Variants in MAP2K4 observed in about 807,000 individuals in gnomAD.
MAP2K4 encodes the protein mitogen-activated protein kinase kinase 4.
Under a neutral mutation model 48.5 loss-of-function variants are expected in MAP2K4, and 4 were observed. The ratio of observed to expected loss-of-function variants is 0.08; its 90% CI spans 0.04 to 0.19. MAP2K4 has a LOEUF of 0.19. Ranked by LOEUF, MAP2K4 falls within the 10% of genes least tolerant of loss-of-function variation. The probability of loss-of-function intolerance (pLI) is 1.00; values close to 1 mark genes in which losing one functional copy is unlikely to be tolerated. For synonymous variants in MAP2K4, 166 were observed against 173.1 expected (o/e 0.96, Z 0.32); for missense variants, 258 against 493.3 (o/e 0.52, Z 4.52).
At chr17:12,029,419 A>G (rs149725869) in intron 1 of MAP2K4, among the ~76,000 whole-genome samples, 1 of 152,194 alleles carries the variant, frequency 6.6e-6, no homozygotes, top group African/African-American at 2.4e-5. Flanking sequence ...AAAAGACTCA[A>G]ATTTACCCCT....
At chr17:12,064,746 A>G (rs1265929695) in intron 2 of MAP2K4, among the ~76,000 whole-genome samples, 1 of 152,218 alleles carries the variant, frequency 6.6e-6, no homozygotes, top group African/African-American at 2.4e-5. Context: ...ACTCTCAGAA[A>G]GATTTGTAAG....
At chr17:12,134,316 T>C (rs1031413575) in intron 9 of MAP2K4, among the ~76,000 whole-genome samples, 10 of 152,196 alleles carry the variant, frequency 6.6e-5, no homozygotes. Context: ...TAAACAAATA[T>C]TTCCTTTAAA....
intron 1 of MAP2K4, chr17:12,036,516 T>A (rs1969603995): frequency 6.6e-6 from 1 of 152,142 alleles, no homozygotes; most frequent in South Asian, 2.1e-4. Context: ...CTGAAAACAT[T>A]TTTTTCTCAC....
intron 1 of MAP2K4, among the ~76,000 whole-genome samples, chr17:12,042,583 G>T (rs1033371602): frequency 3.7e-4 from 56 of 152,238 alleles, no homozygotes; most frequent in African/African-American, 1.3e-3. Flanking sequence ...GAAAGCCGCA[G>T]TGAGATGTGA....
chr17:12,083,387 TC>T, intron 3 of MAP2K4, among the ~76,000 whole-genome samples: 1 of 152,358 alleles, frequency 6.6e-6, no homozygotes. Context: ...CTGTGACAGT[TC>T]CAGTTGGGAT....
At chr17:12,139,978 AT>A in intron 10 of MAP2K4, 94 bp downstream of exon 10, 1 of 681,166 alleles carries the variant, frequency 1.5e-6, no homozygotes, top group Non-Finnish European at 2.4e-6. Flanking sequence ...CCTCTCTGTC[AT>A]AAACAAACAT....
chr17:12,121,301 T>C (rs1385817646), intron 7 of MAP2K4, among the ~76,000 whole-genome samples: 1 of 152,112 alleles, frequency 6.6e-6, no homozygotes, highest in Non-Finnish European at 1.5e-5. Context: ...TATTCCAAAA[T>C]TTGAAAAAAT....
At chr17:12,067,823 A>C (rs1018221862) in intron 2 of MAP2K4, among the ~76,000 whole-genome samples, 12 of 152,234 alleles carry the variant, frequency 7.9e-5, no homozygotes, top group African/African-American at 2.4e-4. Context: ...CATGTTGAAA[A>C]AAGAGATGTG....
intron 3 of MAP2K4, among the ~76,000 whole-genome samples, chr17:12,090,474 G>A (rs1026733333): frequency 9.2e-5 from 14 of 152,144 alleles, no homozygotes; most frequent in African/African-American, 3.4e-4. Context: ...TAGGCACAAT[G>A]CTACTTGGTG....
intron 3 of MAP2K4, among the ~76,000 whole-genome samples, chr17:12,086,244 G>A (rs36039198): frequency 0.084 from 12,798 of 152,198 alleles, 663 homozygotes; most frequent in Non-Finnish European, 0.11. Flanking sequence ...CAGATCATGT[G>A]ACTTACTTAA....
chr17:12,135,371 A>G (rs1973172487), intron 9 of MAP2K4, among the ~76,000 whole-genome samples: 1 of 151,980 alleles, frequency 6.6e-6, no homozygotes, highest in East Asian at 1.9e-4. Context: ...GGCGCGAGCC[A>G]CTGCGCCTGG....
chr17:12,129,070 TGGCCC>T, intron 8 of MAP2K4, 64 bp from the exon 9 acceptor site: 1 of 1,497,434 alleles, frequency 6.7e-7, no homozygotes, highest in Non-Finnish European at 9.1e-7. Context: ...GATTTTTTTG[TGGCCC>T]TTCCAGTGGG....
chr17:12,069,159 A>G (rs1597434260), intron 2 of MAP2K4, among the ~76,000 whole-genome samples: 1 of 152,188 alleles, frequency 6.6e-6, no homozygotes, highest in African/African-American at 2.4e-5. Flanking sequence ...GAATGCTAGT[A>G]AAGCTACCTT....
intron 1 of MAP2K4, among the ~76,000 whole-genome samples, chr17:12,022,789 CA>C (rs768670150): frequency 1.8e-4 from 28 of 152,186 alleles, no homozygotes; most frequent in Non-Finnish European, 3.4e-4. Context: ...ATAAAGGTAA[CA>C]AGCTGGGTTT....
intron 4 of MAP2K4, among the ~76,000 whole-genome samples, chr17:12,106,395 T>C (rs1231333504): frequency 1.3e-5 from 2 of 152,158 alleles, no homozygotes; most frequent in Non-Finnish European, 2.9e-5. Flanking sequence ...AAATATGCTT[T>C]ACAAAAACAT....
intron 3 of MAP2K4, among the ~76,000 whole-genome samples, chr17:12,085,033 A>G (rs958050389): frequency 1.3e-5 from 2 of 152,148 alleles, no homozygotes; most frequent in Admixed American, 6.5e-5. Context: ...TATATTCTCC[A>G]CCTGACTCTG....
chr17:12,060,238 C>A (rs968313581), intron 2 of MAP2K4, among the ~76,000 whole-genome samples: 1 of 151,902 alleles, frequency 6.6e-6, no homozygotes, highest in Non-Finnish European at 1.5e-5. Flanking sequence ...GGATTTCTAT[C>A]CTGGTGTTGT....
chr17:12,118,738 T>C (rs1237267060), intron 7 of MAP2K4, among the ~76,000 whole-genome samples: 1 of 151,716 alleles, frequency 6.6e-6, no homozygotes, highest in Non-Finnish European at 1.5e-5. Flanking sequence ...TGAACAGAGG[T>C]GTGGGTGTGG....
intron 7 of MAP2K4, chr17:12,124,494 GT>G (rs1972788911): frequency 1.3e-5 from 2 of 152,070 alleles, no homozygotes; most frequent in South Asian, 4.2e-4. Context: ...TAGCGTTATT[GT>G]GAAGTATGGG....
Sources: gnomAD v4.1 joint callset for allele counts (sites outside exome capture counted in the v4.1 genomes callset) on GRCh38, gnomAD v4.1.1 for gene constraint, MANE v1.5 for transcripts, NCBI Gene and HGNC (gene_info 2026-07-23, HGNC 2026-07-21) for gene names.